The following ACTR3 variants were observed in gnomAD, a reference collection of about 807,000 sequenced individuals.
ACTR3 encodes actin-related protein 3.
In ACTR3, 12 loss-of-function variants were observed where a neutral mutation model predicts 56.8. The observed-to-expected ratio is 0.21, with a 90% CI of 0.14 to 0.34. The LOEUF is 0.34. Ranked by LOEUF, ACTR3 falls within the 10% of genes least tolerant of loss-of-function variation. The pLI is 1.00. For missense variants in ACTR3, 282 were observed against 512.5 expected (o/e 0.55, Z 4.34); for synonymous variants, 162 against 167.4 (o/e 0.97, Z 0.25).
rs1211280162 is a variant in ACTR3, at chr2:113,940,010, C to T, written c.592C>T (p.Arg198Ter). The T allele has an allele frequency of 6.2e-7, 1 of 1,612,436 alleles. No individual in the cohort carries two copies. The highest frequency in any genetic ancestry group is 8.5e-7 in the Non-Finnish European group (1 of 1,179,092). Residue 198 changes from arginine to a stop codon, truncating the protein, a stop_gained, in exon 7 of 12, where the codon CGA becomes TGA. Transcript: ENST00000263238. LOFTEE classifies it high-confidence loss of function. ...TATTAAACACATTCCAATCGCAGGA[C>T]GAGATATAACATATTTTATTCAGCA... ...SCIKHIPIAGRDITYFIQQLL... is the reference protein window; with the variant it reads ...SCIKHIPIAG
chr2:113,916,099 A>T (rs3791735), intron 2 of ACTR3, among the ~76,000 whole-genome samples: 84,119 of 151,858 alleles, frequency 0.55, 27,096 homozygotes, highest in Middle Eastern at 0.73. Flanking sequence ...TGGATTAAAA[A>T]TTTTTTTCTT....
In ACTR3 at chr2:113,957,547, T is replaced by G; in HGVS notation, c.*92T>G. On this transcript the variant is annotated 3_prime_UTR_variant, in exon 12 of 12. Coordinates refer to ENST00000263238, the MANE Select transcript of ACTR3 (RefSeq NM_005721.5). ...GTCTGGATGGCTGGTTTTGAGGTTTTAAACCTGACTTGAAATAGTAACACC... is the reference window on the plus strand; with the variant it reads ...GTCTGGATGGCTGGTTTTGAGGTTTGAAACCTGACTTGAAATAGTAACACC... 1.1e-6 allele frequency: 1 copy of G among 933,158 alleles called. No homozygotes were observed. Among genetic ancestry groups the G allele is most frequent in the Non-Finnish European group, 1.7e-6 (1 of 581,992 alleles). 57.8% of individuals were successfully genotyped at this position (933,158 alleles called of 1,614,324 possible). A position where few individuals can be genotyped will look rare whatever the true frequency, so the allele number is the denominator to read the frequency against.
chr2:113,920,482 AT>A (rs1037484958), intron 3 of ACTR3, among the ~76,000 whole-genome samples: 10 of 152,204 alleles, frequency 6.6e-5, no homozygotes, highest in African/African-American at 9.6e-5. Flanking sequence ...TCAAACACTT[AT>A]TTTTTTGTGT....
chr2:113,915,452 G>C (rs766080615), intron 2 of ACTR3, among the ~76,000 whole-genome samples: 16 of 152,150 alleles, frequency 1.1e-4, no homozygotes, highest in Non-Finnish European at 2.1e-4. Flanking sequence ...TAACTGTGAA[G>C]ACCCTATTTC....
chr2:113,903,273 CT>C (rs1481429847), intron 1 of ACTR3, among the ~76,000 whole-genome samples: 1 of 152,116 alleles, frequency 6.6e-6, no homozygotes, highest in Non-Finnish European at 1.5e-5. Flanking sequence ...GTGTGGTTTT[CT>C]TTATATTTAT....
chr2:113,923,630 C>T (rs998255498), intron 3 of ACTR3, among the ~76,000 whole-genome samples: 2 of 152,180 alleles, frequency 1.3e-5, no homozygotes, highest in South Asian at 2.1e-4. Context: ...CCACTGTGCC[C>T]GGCCTGTTTT....
At chr2:113,896,879 A>G (rs1326721844) in intron 1 of ACTR3, among the ~76,000 whole-genome samples, 1 of 152,250 alleles carries the variant, frequency 6.6e-6, no homozygotes, top group African/African-American at 2.4e-5. Flanking sequence ...AGCTCTAGCT[A>G]AATTTCCCTT....
At position 113,890,159 on chromosome 2, in the gene ACTR3, C is replaced by T; in HGVS notation, c.-121C>T. ...ACTGCTTCGGCTTCCCGGCTACCCC[C>T]CGGACGGTGAAGGCGGCCCAGCTGT... On this transcript the variant is annotated 5_prime_UTR_variant, in exon 1 of 12. Coordinates refer to ENST00000263238, the MANE Select transcript of ACTR3 (RefSeq NM_005721.5). The T allele has an allele frequency of 7.4e-7, 1 of 1,342,492 alleles. No homozygotes were observed. Among genetic ancestry groups the T allele is most frequent in the South Asian group, 1.3e-5 (1 of 79,854 alleles). The allele number at this position is 1,342,492 out of a possible 1,614,324, so 83.2% of individuals were successfully genotyped here.
At chr2:113,925,744 G>C (rs950929075) in intron 3 of ACTR3, among the ~76,000 whole-genome samples, 1 of 152,154 alleles carries the variant, frequency 6.6e-6, no homozygotes, top group Non-Finnish European at 1.5e-5. Context: ...GCAAACTGGG[G>C]AGTAGAAGTC....
rs1175180558 is a variant in ACTR3, at chr2:113,960,721, C to T, written c.*3266C>T. On this transcript the variant is annotated 3_prime_UTR_variant, in exon 12 of 12. Coordinates refer to ENST00000263238, the MANE Select transcript of ACTR3 (RefSeq NM_005721.5). ...CTGTGACCCATTCTTTCTGATCTTT[C>T]GTAGTTCATAGTCACCAGGCATGAG... 1.3e-5 allele frequency: 2 copies of T among 151,878 alleles called. No individual in the cohort carries two copies. The highest frequency in any genetic ancestry group is 2.4e-5 in the African/African-American group (1 of 41,384). 9.4% of individuals were successfully genotyped at this position (151,878 alleles called of 1,614,324 possible). A position where few individuals can be genotyped will look rare whatever the true frequency, so the allele number is the denominator to read the frequency against.
chr2:113,893,010 C>T (rs1358854688), intron 1 of ACTR3, among the ~76,000 whole-genome samples: 1 of 147,900 alleles, frequency 6.8e-6, no homozygotes. Context: ...AAAAGAAATG[C>T]TTCATTCACA....
intron 1 of ACTR3, chr2:113,904,529 G>T (rs933626956): frequency 8.5e-5 from 13 of 152,124 alleles, no homozygotes; most frequent in African/African-American, 2.9e-4. Context: ...CCAGTTTTGG[G>T]TCTTTATGAA....
At position 113,940,820 on chromosome 2, in the gene ACTR3, A is replaced by ATT. The variant is rs58868582; in HGVS notation, c.684+732_684+733dup. Among the ~76,000 whole-genome samples the ATT allele has an allele frequency of 1.4e-3, 172 of 121,982 alleles. 1 individual carries two copies. Among genetic ancestry groups the ATT allele is most frequent in the East Asian group, 4.4e-3 (19 of 4,324 alleles). The allele number at this position is 121,982 out of a possible 152,430, so 80.0% of individuals were successfully genotyped here. ...AATTTTTAATTTCTTATTTTTATTG[A>ATT]TTTTTTTTTTTTTTTGTAGAGATGG... On this transcript the variant is annotated intron_variant, in intron 7 of 11. Transcript: ENST00000263238.
chr2:113,956,192 C>G (rs957325681), intron 11 of ACTR3, among the ~76,000 whole-genome samples: 1 of 151,808 alleles, frequency 6.6e-6, no homozygotes, highest in Non-Finnish European at 1.5e-5. Flanking sequence ...CTGCGCCTGG[C>G]TGAAGCTTAT....
intron 3 of ACTR3, among the ~76,000 whole-genome samples, chr2:113,922,530 G>T (rs1679529385): frequency 6.6e-6 from 1 of 152,188 alleles, no homozygotes; most frequent in Non-Finnish European, 1.5e-5. Flanking sequence ...AGCGGTAGGG[G>T]CGGCATTGAC....
intron 5 of ACTR3, among the ~76,000 whole-genome samples, chr2:113,933,440 GGAGATTGCGGTGAGCC>G (rs1406589495): frequency 6.6e-6 from 1 of 152,038 alleles, no homozygotes; most frequent in Non-Finnish European, 1.5e-5. Context: ...CCCAAGAGGC[GGAGATTGCGGTGAGCC>G]GAGATCGTGC....
At chr2:113,940,124 T>A in intron 7 of ACTR3, 22 bp downstream of exon 7, 1 of 1,584,418 alleles carries the variant, frequency 6.3e-7, no homozygotes, top group Non-Finnish European at 8.6e-7. Context: ...GATAGGAGTG[T>A]AATTTAGTTA....
At chr2:113,949,691 T>C (rs1680087844) in intron 8 of ACTR3, among the ~76,000 whole-genome samples, 1 of 152,090 alleles carries the variant, frequency 6.6e-6, no homozygotes, top group Admixed American at 6.5e-5. Flanking sequence ...CCCTCTCAAG[T>C]AGCTGGAACT....
rs1679168123 is a variant in ACTR3 at position 113,905,020 on chromosome 2, G to A, written c.45-8152G>A. The A allele has an allele frequency of 2.6e-5, 4 of 152,022 alleles. No individual in the cohort carries two copies. In the South Asian group the frequency reaches 8.3e-4, roughly 32 times the overall value. The allele number at this position is 152,022 out of a possible 1,614,324, so 9.4% of individuals were successfully genotyped here. On this transcript the variant is annotated intron_variant, in intron 1 of 11. Coordinates refer to ENST00000263238, the MANE Select transcript of ACTR3 (RefSeq NM_005721.5). The stretch of plus-strand genomic sequence containing the variant: ...CTCATTTTTCTTTTGGCTACTTTGG[G>A]TGTGTTTTTGTAAAGAAGTTTTTAA...
Sources: allele counts gnomAD v4.1 joint callset (sites outside exome capture counted in the v4.1 genomes callset), GRCh38; gene constraint gnomAD v4.1.1; transcripts MANE v1.5; gene names NCBI Gene and HGNC (gene_info 2026-07-23, HGNC 2026-07-21).